The following NRG3 variants were observed in gnomAD, a reference collection of about 807,000 sequenced individuals.
NRG3 encodes the protein neuregulin 3.
In NRG3, 31 loss-of-function variants were observed where a neutral mutation model predicts 66.9. The observed-to-expected ratio is 0.46, with a 90% confidence interval of 0.35 to 0.63. The LOEUF (loss-of-function observed/expected upper bound fraction) is 0.63, where lower values mean the gene tolerates loss of function less well. Among genes scored for constraint, NRG3 ranks in the 20% least tolerant of loss-of-function variants. The pLI is 0.00. For synonymous variants in NRG3, 393 were observed against 359.4 expected (o/e 1.09, Z -1.06); for missense variants, 910 against 878.9 (o/e 1.04, Z -0.45).
Position 82,532,044 on chromosome 10 carries a change from T to C in NRG3, c.953+173176T>C, listed in dbSNP as rs143135342. Among the ~76,000 whole-genome samples the C allele has an allele frequency of 3.1e-3, 470 of 152,014 alleles. 4 individuals carry two copies. Among genetic ancestry groups the C allele is most frequent in the African/African-American group, 0.011 (446 of 41,538 alleles). On this transcript the variant is annotated intron_variant, in intron 2 of 8. Coordinates refer to ENST00000372141, the MANE Select transcript of NRG3 (RefSeq NM_001010848.4). ...AACATTTGTTCATATTTAAGGAGTA[T>C]ATGTGATACTTTGATATAAGGATAC...
chr10:82,021,505 G>C (rs1161162780), intron 1 of NRG3, among the ~76,000 whole-genome samples: 2 of 152,020 alleles, frequency 1.3e-5, no homozygotes, highest in African/African-American at 4.8e-5. Context: ...ACAGGAATTG[G>C]CTTTGTGGAT....
At chr10:82,438,567 C>T (rs1357964180) in intron 2 of NRG3, among the ~76,000 whole-genome samples, 1 of 152,188 alleles carries the variant, frequency 6.6e-6, no homozygotes, top group Non-Finnish European at 1.5e-5. Context: ...GCTGGTCACC[C>T]CTCACCCCAG....
chr10:82,786,469 A>G (rs910142658), intron 3 of NRG3, among the ~76,000 whole-genome samples: 9 of 152,078 alleles, frequency 5.9e-5, no homozygotes, highest in Non-Finnish European at 1.5e-5. Flanking sequence ...ATGGGAATGT[A>G]TATCCTATGC....
At chr10:82,537,786 C>A (rs903532121) in intron 2 of NRG3, among the ~76,000 whole-genome samples, 2 of 152,020 alleles carry the variant, frequency 1.3e-5, no homozygotes, top group African/African-American at 4.8e-5. Flanking sequence ...AATAGATTTA[C>A]CACTTGACCT....
At chr10:82,502,026 CCGAAGAG>C (rs1480491237) in intron 2 of NRG3, among the ~76,000 whole-genome samples, 1 of 152,034 alleles carries the variant, frequency 6.6e-6, no homozygotes. Flanking sequence ...TGAATGAAAT[CCGAAGAG>C]ATCCAGTGTC....
intron 8 of NRG3, chr10:82,984,733 A>G (rs769464370): frequency 9.7e-6 from 15 of 1,546,578 alleles, no homozygotes; most frequent in East Asian, 7.3e-5. Flanking sequence ...GTTTGTCACA[A>G]TGGAAAGGCC....
At chr10:82,663,144 A>G (rs924203307) in intron 2 of NRG3, among the ~76,000 whole-genome samples, 1 of 152,202 alleles carries the variant, frequency 6.6e-6, no homozygotes, top group Non-Finnish European at 1.5e-5. Context: ...AATTATTCCC[A>G]TTGAAAACTG....
chr10:82,886,851 A>C (rs1842763147), intron 4 of NRG3, among the ~76,000 whole-genome samples: 1 of 152,226 alleles, frequency 6.6e-6, no homozygotes, highest in Admixed American at 6.5e-5. Context: ...ACCAGTTCAG[A>C]TCCTCAATTC....
intron 2 of NRG3, among the ~76,000 whole-genome samples, chr10:82,685,482 T>C (rs928566648): frequency 6.6e-6 from 1 of 152,158 alleles, no homozygotes; most frequent in African/African-American, 2.4e-5. Flanking sequence ...GTTGCCCTGG[T>C]TGAGTCAGTG....
At chr10:82,463,123 A>G (rs1000871062) in intron 2 of NRG3, among the ~76,000 whole-genome samples, 1 of 152,206 alleles carries the variant, frequency 6.6e-6, no homozygotes, top group Non-Finnish European at 1.5e-5. Context: ...TTAATATTTT[A>G]ATTAATCATT....
chr10:82,165,241 T>C (rs2071948246), intron 1 of NRG3, among the ~76,000 whole-genome samples: 2 of 152,064 alleles, frequency 1.3e-5, no homozygotes, highest in South Asian at 2.1e-4. Flanking sequence ...AAATTTTCAA[T>C]GAGAAGTAGT....
At chr10:82,309,070 T>C (rs2080891579) in intron 1 of NRG3, among the ~76,000 whole-genome samples, 1 of 152,206 alleles carries the variant, frequency 6.6e-6, no homozygotes, top group African/African-American at 2.4e-5. Context: ...GATCCATACT[T>C]TAATGCAAGA....
At chr10:82,884,632 CT>C (rs1842583394) in intron 4 of NRG3, among the ~76,000 whole-genome samples, 1 of 152,158 alleles carries the variant, frequency 6.6e-6, no homozygotes, top group African/African-American at 2.4e-5. Context: ...ACATTATCCC[CT>C]GTCCTTCTTT....
intron 1 of NRG3, among the ~76,000 whole-genome samples, chr10:82,296,091 G>A (rs779870721): frequency 1.8e-4 from 28 of 152,154 alleles, no homozygotes; most frequent in Non-Finnish European, 2.9e-4. Context: ...TAAAGGATGA[G>A]CATGAGTAAC....
chr10:82,060,374 T>C (rs2064077853), intron 1 of NRG3, among the ~76,000 whole-genome samples: 1 of 152,202 alleles, frequency 6.6e-6, no homozygotes, highest in African/African-American at 2.4e-5. Context: ...TTTCTTACTG[T>C]GTGCCATAAA....
intron 1 of NRG3, among the ~76,000 whole-genome samples, chr10:82,290,747 C>A (rs1310914682): frequency 1.3e-5 from 2 of 151,840 alleles, no homozygotes; most frequent in African/African-American, 4.8e-5. Flanking sequence ...CCATCTCCTG[C>A]CTCAGCCTCC....
At chr10:82,196,896 T>G (rs2133417861) in intron 1 of NRG3, among the ~76,000 whole-genome samples, 1 of 152,270 alleles carries the variant, frequency 6.6e-6, no homozygotes, top group East Asian at 1.9e-4. Flanking sequence ...GAATCACTCT[T>G]TCATATTTAG....
intron 2 of NRG3, among the ~76,000 whole-genome samples, chr10:82,733,729 T>C (rs539380501): frequency 1.9e-4 from 29 of 152,334 alleles, no homozygotes; most frequent in South Asian, 1.7e-3. Context: ...ATCTGTCTTG[T>C]TTTGTTTTCC....
At chr10:82,309,401 T>G (rs949486719) in intron 1 of NRG3, among the ~76,000 whole-genome samples, 2 of 152,102 alleles carry the variant, frequency 1.3e-5, no homozygotes, top group African/African-American at 4.8e-5. Context: ...AGTCTTGCAG[T>G]ATTTTGAAGT....
Sources: allele counts gnomAD v4.1 joint callset (sites outside exome capture counted in the v4.1 genomes callset), GRCh38; gene constraint gnomAD v4.1.1; transcripts MANE v1.5; gene names NCBI Gene and HGNC (gene_info 2026-07-23, HGNC 2026-07-21).